STAG1: variants seen among roughly 807,000 people sequenced by gnomAD.
STAG1 encodes STAG1 cohesin complex component.
Under a neutral mutation model 170.9 loss-of-function variants are expected in STAG1, and 26 were observed. The observed-to-expected ratio is 0.15, with a 90% CI of 0.11 to 0.21. The LOEUF is 0.21. STAG1 is among the 10% of genes least tolerant of loss of function. The pLI is 1.00. For missense variants in STAG1, 964 were observed against 1,509.5 expected (o/e 0.64, Z 5.99); for synonymous variants, 514 against 497.7 (o/e 1.03, Z -0.44).
chr3:136,366,969 C>T lies in STAG1; in HGVS notation c.2659G>A (p.Ala887Thr). ...TTCATGTAGTGTTTGAAGATGTCTGCAGCTGCATGCATGTCAACAATGTCA... is the reference window on the plus strand; with the variant it reads ...TTCATGTAGTGTTTGAAGATGTCTGTAGCTGCATGCATGTCAACAATGTCA... ...IYDIVDMHAA[A>T]DIFKHYMKYY... Residue 887 changes from alanine to threonine, a missense_variant, in exon 25 of 34, where the codon GCA (alanine) becomes ACA (threonine). Ala to Thr is a moderately conservative substitution (Grantham distance 58). Transcript: ENST00000383202. 1 of 1,607,482 alleles carries T rather than the reference C, an allele frequency of 6.2e-7. No individual in the cohort carries two copies. The highest frequency in any genetic ancestry group is 1.7e-4 in the Middle Eastern group (1 of 6,000).
At chr3:136,655,039 C>G (rs1056799887) in intron 1 of STAG1, among the ~76,000 whole-genome samples, 1 of 152,102 alleles carries the variant, frequency 6.6e-6, no homozygotes, top group Non-Finnish European at 1.5e-5. Flanking sequence ...AAAACTCTTA[C>G]AGAAAAAACA....
intron 4 of STAG1, among the ~76,000 whole-genome samples, chr3:136,579,700 C>T (rs1463955233): frequency 6.6e-6 from 1 of 152,112 alleles, no homozygotes; most frequent in African/African-American, 2.4e-5. Flanking sequence ...GAGGTGTCCA[C>T]CAGGCTCTGA....
Position 136,623,264 on chromosome 3 carries a change from T to C in STAG1, c.30-16A>G. 1 of 1,606,496 alleles carries C rather than the reference T, an allele frequency of 6.2e-7. No individual in the cohort carries two copies. Among genetic ancestry groups the C allele is most frequent in the Non-Finnish European group, 8.5e-7 (1 of 1,174,920 alleles). On this transcript the variant is annotated splice_polypyrimidine_tract_variant and intron_variant, in intron 2 of 33. Transcript: ENST00000383202. The stretch of plus-strand genomic sequence containing the variant: ...AGTTGAATCCCTAGAAAATGTTATA[T>C]TATTTTAGCGAACAAATTAATAAGT...
At chr3:136,545,022 T>C (rs1936090971) in intron 5 of STAG1, among the ~76,000 whole-genome samples, 1 of 152,136 alleles carries the variant, frequency 6.6e-6, no homozygotes, top group Non-Finnish European at 1.5e-5. Context: ...GACAGGATCA[T>C]TTTTATTGTC....
chr3:136,448,403 AG>A (rs759791576), intron 14 of STAG1, among the ~76,000 whole-genome samples: 5 of 152,196 alleles, frequency 3.3e-5, no homozygotes, highest in Admixed American at 2.6e-4. Flanking sequence ...CAGAAGATGA[AG>A]GAAGAGCAAA....
At chr3:136,665,648 C>A (rs1941736080) in intron 1 of STAG1, among the ~76,000 whole-genome samples, 1 of 151,278 alleles carries the variant, frequency 6.6e-6, no homozygotes, top group Admixed American at 6.6e-5. Context: ...GGTGTAGTGG[C>A]AGGCGCCTGT....
At chr3:136,479,088 T>C (rs1360559883) in intron 9 of STAG1, among the ~76,000 whole-genome samples, 1 of 150,906 alleles carries the variant, frequency 6.6e-6, no homozygotes, top group Non-Finnish European at 1.5e-5. Flanking sequence ...ATTTTTTTTT[T>C]TATTATACTT....
At chr3:136,738,295 A>T (rs1934461464) in intron 1 of STAG1, among the ~76,000 whole-genome samples, 1 of 152,006 alleles carries the variant, frequency 6.6e-6, no homozygotes, top group Admixed American at 6.6e-5. Context: ...GTTCGAGACC[A>T]GCCTGGCCAA....
At chr3:136,558,683 G>C (rs1018646664) in intron 5 of STAG1, among the ~76,000 whole-genome samples, 1 of 152,206 alleles carries the variant, frequency 6.6e-6, no homozygotes, top group African/African-American at 2.4e-5. Context: ...ACTAAAGCAT[G>C]AAAAGTTACA....
At chr3:136,714,798 A>G (rs1202756281) in intron 1 of STAG1, among the ~76,000 whole-genome samples, 1 of 149,598 alleles carries the variant, frequency 6.7e-6, no homozygotes. Flanking sequence ...ATTCTCAGCT[A>G]CCTGGGAGAC....
intron 1 of STAG1, among the ~76,000 whole-genome samples, chr3:136,663,197 T>G (rs978716825): frequency 6.6e-6 from 1 of 152,226 alleles, no homozygotes; most frequent in Middle Eastern, 3.4e-3. Context: ...AGGATATATA[T>G]GTATGGATGA....
chr3:136,540,163 T>C (rs1301140474), intron 6 of STAG1, among the ~76,000 whole-genome samples: 4 of 152,222 alleles, frequency 2.6e-5, no homozygotes, highest in East Asian at 3.9e-4. Flanking sequence ...ACAATATACA[T>C]GCATTTAAAC....
intron 3 of STAG1, chr3:136,609,370 A>AAT (rs1218040557): frequency 6.8e-6 from 1 of 146,470 alleles, no homozygotes; most frequent in Non-Finnish European, 1.5e-5. Flanking sequence ...TTTGTATATA[A>AAT]ATATATATTT....
intron 1 of STAG1, among the ~76,000 whole-genome samples, chr3:136,713,136 G>A (rs941468163): frequency 2.0e-5 from 3 of 152,034 alleles, no homozygotes; most frequent in Admixed American, 1.3e-4. Flanking sequence ...TACTTACAAT[G>A]GTCCCAAACT....
chr3:136,469,963 A>G (rs1363734812), intron 12 of STAG1, among the ~76,000 whole-genome samples: 1 of 152,254 alleles, frequency 6.6e-6, no homozygotes, highest in Non-Finnish European at 1.5e-5. Context: ...TCCCTTCCTT[A>G]CACCTTATAG....
chr3:136,421,042 G>A (rs763974499), intron 20 of STAG1, 51 bp downstream of exon 20: 3 of 1,187,262 alleles, frequency 2.5e-6, no homozygotes, highest in South Asian at 1.4e-5. Context: ...AAGTGTTGGG[G>A]TTACAGGCAT....
At chr3:136,670,513 C>T (rs1365553285) in intron 1 of STAG1, among the ~76,000 whole-genome samples, 1 of 152,198 alleles carries the variant, frequency 6.6e-6, no homozygotes, top group African/African-American at 2.4e-5. Context: ...CAGAATCTCA[C>T]TCTGTCGCCC....
intron 5 of STAG1, among the ~76,000 whole-genome samples, chr3:136,542,490 C>A (rs1158134109): frequency 6.6e-6 from 1 of 151,748 alleles, no homozygotes; most frequent in Admixed American, 6.6e-5. Context: ...CGTTAAATTG[C>A]TGATAAAAGT....
chr3:136,392,281 AATATCTAAGAG>A (rs575048825), intron 22 of STAG1, among the ~76,000 whole-genome samples: 96 of 152,278 alleles, frequency 6.3e-4, no homozygotes, highest in African/African-American at 2.3e-3. Context: ...TTTAAACCCA[AATATCTAAGAG>A]CGGAGAGAGG....
Sources: gnomAD v4.1 joint callset for allele counts (sites outside exome capture counted in the v4.1 genomes callset) on GRCh38, gnomAD v4.1.1 for gene constraint, MANE v1.5 for transcripts, NCBI Gene and HGNC (gene_info 2026-07-23, HGNC 2026-07-21) for gene names.